Variants in EIF3K observed in about 807,000 individuals in gnomAD.
EIF3K encodes eukaryotic translation initiation factor 3 subunit K, also known as eIF-3 p28.
Under a neutral mutation model 34.2 loss-of-function variants are expected in EIF3K, and 27 were observed. That is an observed-to-expected ratio of 0.79 (90% CI 0.58 to 1.09). The LOEUF is 1.09. Among genes scored for constraint, EIF3K ranks in the 50% least tolerant of loss-of-function variants. The probability of loss-of-function intolerance (pLI) is 0.00; values close to 1 mark genes in which losing one functional copy is unlikely to be tolerated. For missense variants in EIF3K, 232 were observed against 275.4 expected (o/e 0.84, Z 1.11); for synonymous variants, 105 against 105.7 (o/e 0.99, Z 0.04).
Position 38,626,122 on chromosome 19 carries a change from G to C in EIF3K, c.354+20G>C, listed in dbSNP as rs1975945869. The C allele has an allele frequency of 6.2e-7, 1 of 1,611,954 alleles. No homozygotes were observed. Among genetic ancestry groups the C allele is most frequent in the African/African-American group, 1.3e-5 (1 of 74,892 alleles). On this transcript the variant is annotated intron_variant, in intron 4 of 7. Transcript: ENST00000248342. The stretch of plus-strand genomic sequence containing the variant: ...TTCTGGGTAACTTCCCTGGGGTCCA[G>C]GGGCAGGGGAGATGGCAGGGCCATG...
chr19:38,625,533 G>A (rs1349703963), intron 3 of EIF3K, among the ~76,000 whole-genome samples: 2 of 126,624 alleles, frequency 1.6e-5, no homozygotes, highest in African/African-American at 8.4e-5. Flanking sequence ...TTTTTGAGAT[G>A]GAGTCTTGCT....
chr19:38,626,810 T>G (rs947107182), intron 4 of EIF3K, among the ~76,000 whole-genome samples: 1 of 151,934 alleles, frequency 6.6e-6, no homozygotes, highest in Non-Finnish European at 1.5e-5. Context: ...TGTTTGTTTG[T>G]TTTTTGGTTT....
intron 3 of EIF3K, among the ~76,000 whole-genome samples, chr19:38,624,527 C>G (rs1975907511): frequency 6.6e-6 from 1 of 152,166 alleles, no homozygotes; most frequent in Admixed American, 6.6e-5. Flanking sequence ...CACCTGAGGT[C>G]AGGAGTTCGA....
intron 2 of EIF3K, among the ~76,000 whole-genome samples, chr19:38,621,214 A>G (rs1401037208): frequency 3.3e-5 from 5 of 151,466 alleles, no homozygotes; most frequent in Admixed American, 2.0e-4. Flanking sequence ...AAAAAAAAAA[A>G]AAAGAATTAC....
At chr19:38,636,797 C>A in intron 7 of EIF3K, 92 bp from the exon 8 acceptor site, 1 of 1,453,478 alleles carries the variant, frequency 6.9e-7, no homozygotes, top group Non-Finnish European at 9.7e-7. Flanking sequence ...AGTTTATGAT[C>A]TCCCCCTAAA....
intron 4 of EIF3K, 71 bp downstream of exon 4, chr19:38,626,173 CG>C: frequency 7.2e-7 from 1 of 1,391,416 alleles, no homozygotes; most frequent in Non-Finnish European, 1.0e-6. Flanking sequence ...AAAGTAACAA[CG>C]GTGCACACTG....
chr19:38,621,688 A>G (rs1975843702), intron 2 of EIF3K, among the ~76,000 whole-genome samples: 1 of 152,194 alleles, frequency 6.6e-6, no homozygotes, highest in African/African-American at 2.4e-5. Context: ...AACTTGATAC[A>G]GATGGAGTGC....
rs1241578978 is a variant in EIF3K at position 38,620,783 on chromosome 19, A to G, written c.158+348A>G. ...GTGCCACATGCCTGTAATCCCAGCT[A>G]CTCGGGAGGCTGAGGCAGGAGAATT... On this transcript the variant is annotated intron_variant, in intron 2 of 7. Transcript: ENST00000248342. Among the ~76,000 whole-genome samples, 3 of 151,876 alleles carry G rather than the reference A, an allele frequency of 2.0e-5. No individual in the cohort carries two copies. In the East Asian group the frequency reaches 5.8e-4, roughly 29 times the overall value.
chr19:38,627,781 C>T (rs1366682816), intron 4 of EIF3K, among the ~76,000 whole-genome samples: 1 of 152,120 alleles, frequency 6.6e-6, no homozygotes, highest in Non-Finnish European at 1.5e-5. Context: ...ACCACCCAGA[C>T]CTCTGGGTCC....
chr19:38,629,296 G>A (rs982589809), intron 4 of EIF3K, among the ~76,000 whole-genome samples: 9 of 139,410 alleles, frequency 6.5e-5, no homozygotes, highest in Admixed American at 5.0e-4. Context: ...GTTTTGTTTT[G>A]TTTTGTTTTG....
intron 4 of EIF3K, among the ~76,000 whole-genome samples, chr19:38,628,869 G>A (rs911747691): frequency 6.6e-6 from 1 of 150,964 alleles, no homozygotes. Flanking sequence ...CCTGTCCCCA[G>A]CTGCAGCTAC....
chr19:38,625,234 G>A (rs561601520), intron 3 of EIF3K, among the ~76,000 whole-genome samples: 33 of 151,650 alleles, frequency 2.2e-4, no homozygotes, highest in African/African-American at 7.7e-4. Flanking sequence ...GCGTGATCTC[G>A]GCTTCCTGCA....
At chr19:38,622,017 C>T (rs1044460983) in intron 2 of EIF3K, among the ~76,000 whole-genome samples, 11 of 151,122 alleles carry the variant, frequency 7.3e-5, no homozygotes, top group African/African-American at 2.7e-4. Context: ...GTGATTCTCC[C>T]GCCTCAGCCT....
intron 4 of EIF3K, among the ~76,000 whole-genome samples, chr19:38,631,325 TTTCTCGGAGAGGG>T (rs1286289772): frequency 6.6e-6 from 1 of 152,126 alleles, no homozygotes; most frequent in African/African-American, 2.4e-5. Flanking sequence ...TTATTGGGTG[TTTCTCGGAGAGGG>T]GGATGTGGCA....
chr19:38,619,965 A>G (rs1975804480), intron 1 of EIF3K, among the ~76,000 whole-genome samples: 1 of 152,160 alleles, frequency 6.6e-6, no homozygotes, highest in African/African-American at 2.4e-5. Context: ...GTAGGCAGCG[A>G]GGTAGGCAGG....
intron 1 of EIF3K, among the ~76,000 whole-genome samples, 188 bp downstream of exon 1, chr19:38,619,515 A>G (rs1975791094): frequency 6.6e-6 from 1 of 152,174 alleles, no homozygotes; most frequent in Admixed American, 6.5e-5. Context: ...TGATCCTAGC[A>G]CTTTGGGAGG....
Position 38,632,609 on chromosome 19 carries a change from C to A in EIF3K, c.430C>A (p.His144Asn). 6.2e-7 allele frequency: 1 copy of A among 1,613,872 alleles called. No homozygotes were observed. Among genetic ancestry groups the A allele is most frequent in the Non-Finnish European group, 8.5e-7 (1 of 1,179,888 alleles). ...FEDSVRKFICHVVGITYQHID... is the reference protein window; with the variant it reads ...FEDSVRKFICNVVGITYQHID... The stretch of plus-strand genomic sequence containing the variant: ...GTCTCTGACCTCCACAGTTATCTGC[C>A]ATGTTGTGGGTATCACTTACCAGCA... The change falls in exon 6 of 8, where the codon CAT becomes AAT. Residue 144 changes from histidine to asparagine, a missense_variant. Physicochemically the swap from His to Asn is moderately conservative, Grantham distance 68. Coordinates refer to ENST00000248342, the MANE Select transcript of EIF3K (RefSeq NM_013234.4).
intron 2 of EIF3K, 47 bp from the exon 3 acceptor site, chr19:38,624,030 G>A: frequency 3.1e-6 from 5 of 1,612,890 alleles, no homozygotes; most frequent in Non-Finnish European, 4.2e-6. Context: ...TGAGGATTGG[G>A]GACTTGGAGG....
chr19:38,622,737 T>C (rs1975869114), intron 2 of EIF3K, among the ~76,000 whole-genome samples: 1 of 152,226 alleles, frequency 6.6e-6, no homozygotes, highest in Admixed American at 6.5e-5. Context: ...ATCTCGACTA[T>C]AAGAGACAGG....
Sources: gnomAD v4.1 joint callset for allele counts (sites outside exome capture counted in the v4.1 genomes callset) on GRCh38, gnomAD v4.1.1 for gene constraint, MANE v1.5 for transcripts, NCBI Gene and HGNC (gene_info 2026-07-23, HGNC 2026-07-21) for gene names.